The following LARP1B variants were observed in gnomAD, a reference collection of about 807,000 sequenced individuals.
LARP1B encodes La ribonucleoprotein 1B, also known as la-related protein 1B.
LARP1B carries 76 observed loss-of-function variants against 114.2 expected under a neutral mutation model. That is an observed-to-expected ratio of 0.67 (90% CI 0.55 to 0.81). LARP1B has a LOEUF of 0.81. Ranked by LOEUF, LARP1B falls within the 30% of genes least tolerant of loss-of-function variation. The pLI is 0.00. For synonymous variants in LARP1B, 345 were observed against 348.0 expected (o/e 0.99, Z 0.10); for missense variants, 1,014 against 1,075.8 (o/e 0.94, Z 0.80).
intron 15 of LARP1B, among the ~76,000 whole-genome samples, chr4:128,182,204 C>G (rs1047862445): frequency 6.7e-6 from 1 of 149,716 alleles, no homozygotes; most frequent in Non-Finnish European, 1.5e-5. Flanking sequence ...ACCGTAACCT[C>G]CCAGACTCAA....
In LARP1B at chr4:128,162,188, C is replaced by T; in HGVS notation, c.1525-6C>T. On this transcript the variant is annotated splice_region_variant and splice_polypyrimidine_tract_variant and intron_variant, in intron 11 of 19. Coordinates refer to ENST00000326639, the MANE Select transcript of LARP1B (RefSeq NM_018078.4). ...TTAGTAATTAGATTCCTCCATTCTA[C>T]TTCAGCAAGAAGTTGAGAACTTTAA... is the stretch of plus-strand genomic sequence containing the variant. The T allele has an allele frequency of 6.2e-7, 1 of 1,611,510 alleles. No homozygotes were observed. Among genetic ancestry groups the T allele is most frequent in the Non-Finnish European group, 8.5e-7 (1 of 1,178,468 alleles).
At chr4:128,164,581 A>G (rs1739894408) in intron 12 of LARP1B, among the ~76,000 whole-genome samples, 1 of 152,208 alleles carries the variant, frequency 6.6e-6, no homozygotes. Context: ...AATGGCCAAT[A>G]AATATGAAAA....
At chr4:128,123,087 A>AG (rs1388193839) in intron 11 of LARP1B, 1 of 985,340 alleles carries the variant, frequency 1.0e-6, no homozygotes. Context: ...GGCTGAGTAG[A>AG]GGGGACTGCC....
chr4:128,087,040 C>T (rs1773879345), intron 5 of LARP1B, among the ~76,000 whole-genome samples: 1 of 152,120 alleles, frequency 6.6e-6, no homozygotes, highest in African/African-American at 2.4e-5. Flanking sequence ...CTGCCTCAGC[C>T]TCCCGAGTAG....
intron 15 of LARP1B, among the ~76,000 whole-genome samples, chr4:128,189,831 C>G (rs1442470504): frequency 6.6e-6 from 1 of 152,188 alleles, no homozygotes; most frequent in African/African-American, 2.4e-5. Context: ...CACTTCAACT[C>G]CATCCTCCCA....
rs900971648 is a variant in LARP1B, at chr4:128,220,392, C to G, written n.886C>G. Reference sequence around the variant, plus strand: ...ATAGAGTAATACCTAATTATATCACCATGAGATGGCAAAACGGAATGTCAG... The same window carrying G: ...ATAGAGTAATACCTAATTATATCACGATGAGATGGCAAAACGGAATGTCAG... On this transcript the variant is annotated non_coding_transcript_exon_variant, in exon 7 of 8. Transcript: ENST00000503725. 6.3e-6 allele frequency: 6 copies of G among 955,896 alleles called. No homozygotes were observed. In the African/African-American group the frequency reaches 1.1e-4, roughly 17 times the overall value. The allele number at this position is 955,896 out of a possible 1,614,324, so 59.2% of individuals were successfully genotyped here.
rs1561307766 is a variant in LARP1B, at chr4:128,121,888, A to AG, written c.1225dup (p.Glu409GlyfsTer4). ...TATGTTCTTCAGAAGAACCAGAACA[A>AG]GAAGAACTTGATTTTTTGTTTGATG... is the stretch of plus-strand genomic sequence containing the variant. On this transcript the variant is annotated frameshift_variant, in exon 11 of 20. Coordinates refer to ENST00000326639, the MANE Select transcript of LARP1B (RefSeq NM_018078.4). LOFTEE classifies it high-confidence loss of function. The AG allele has an allele frequency of 1.2e-6, 2 of 1,612,406 alleles. No individual in the cohort carries two copies. The highest frequency in any genetic ancestry group is 1.7e-6 in the Non-Finnish European group (2 of 1,179,558).
chr4:128,179,744 CTT>C (rs1747696244), intron 15 of LARP1B, among the ~76,000 whole-genome samples: 1 of 151,928 alleles, frequency 6.6e-6, no homozygotes, highest in Admixed American at 6.6e-5. Flanking sequence ...AATGTGAACT[CTT>C]AGATTTATAA....
chr4:128,132,307 C>T (rs111296005), intron 11 of LARP1B, among the ~76,000 whole-genome samples: 4,462 of 152,094 alleles, frequency 0.029, 226 homozygotes, highest in African/African-American at 0.1. Context: ...TGCAGTGGCG[C>T]GATCTTGGCT....
chr4:128,091,260 G>A lies in LARP1B; in HGVS notation c.503-87G>A, dbSNP rs547221493. ...TCTGATAATAGATGGTTTTATGTTT[G>A]TTAACCTTTGAAGTTCTTCACTTTA... is the stretch of plus-strand genomic sequence containing the variant. On this transcript the variant is annotated intron_variant, in intron 6 of 19. Transcript: ENST00000326639. The A allele has an allele frequency of 6.6e-6, 10 of 1,509,456 alleles. No individual in the cohort carries two copies. In the Admixed American group the frequency reaches 1.4e-4, roughly 21 times the overall value. 93.5% of individuals were successfully genotyped at this position (1,509,456 alleles called of 1,614,324 possible).
intron 8 of LARP1B, among the ~76,000 whole-genome samples, chr4:128,106,933 A>T (rs1453884057): frequency 1.3e-5 from 2 of 152,198 alleles, no homozygotes; most frequent in Non-Finnish European, 2.9e-5. Flanking sequence ...TCTGAAGTTA[A>T]ATAAGTGGGA....
chr4:128,119,990 A>G (rs1787343861), intron 10 of LARP1B, among the ~76,000 whole-genome samples: 1 of 152,228 alleles, frequency 6.6e-6, no homozygotes, highest in African/African-American at 2.4e-5. Context: ...ATGTACCTGC[A>G]AATGTGAAAA....
At chr4:128,194,757 C>T (rs1753535271) in intron 15 of LARP1B, among the ~76,000 whole-genome samples, 1 of 142,118 alleles carries the variant, frequency 7.0e-6, no homozygotes, top group Admixed American at 7.1e-5. Context: ...ATCCCAACTA[C>T]TTAGGAGGCT....
chr4:128,178,628 G>C lies in LARP1B; in HGVS notation c.1882G>C (p.Ala628Pro), dbSNP rs377064385. 1 of 1,613,154 alleles carries C rather than the reference G, an allele frequency of 6.2e-7. No individual in the cohort carries two copies. Among genetic ancestry groups the C allele is most frequent in the South Asian group, 1.1e-5 (1 of 91,046 alleles). The change falls in exon 14 of 20, where the codon GCC (alanine) becomes CCC (proline). Residue 628 changes from alanine to proline, a missense_variant. Coordinates refer to ENST00000326639, the MANE Select transcript of LARP1B (RefSeq NM_018078.4). Reference protein sequence around the residue: ...RFYPVVKEPKAIDVKSPRKRK... With the variant: ...RFYPVVKEPKPIDVKSPRKRK... ...TTATCCTGTTGTTAAAGAACCAAAA[G>C]CCATTGATGTAAAGGTATACAAAAC...
intron 7 of LARP1B, chr4:128,093,092 C>G: frequency 2.1e-6 from 2 of 962,030 alleles, no homozygotes; most frequent in African/African-American, 1.8e-5. Flanking sequence ...ATTGGTCATG[C>G]CTCTTTTTTT....
At chr4:128,155,746 G>A (rs552273048) in intron 11 of LARP1B, 2 of 1,608,064 alleles carry the variant, frequency 1.2e-6, no homozygotes, top group South Asian at 2.2e-5. Context: ...GCTGGCTGCG[G>A]CCAAGTGTAG....
At chr4:128,098,671 TA>T in intron 8 of LARP1B, among the ~76,000 whole-genome samples, 1 of 142,242 alleles carries the variant, frequency 7.0e-6, no homozygotes, top group Non-Finnish European at 1.5e-5. Context: ...ACCTGGGTGA[TA>T]GAGTACAACG....
chr4:128,196,060 T>C (rs1367973320), intron 15 of LARP1B, among the ~76,000 whole-genome samples: 1 of 151,632 alleles, frequency 6.6e-6, no homozygotes, highest in Non-Finnish European at 1.5e-5. Context: ...GAGACCAGCT[T>C]GCCAATATGG....
intron 15 of LARP1B, among the ~76,000 whole-genome samples, chr4:128,190,781 A>C (rs1260245940): frequency 1.3e-5 from 2 of 152,220 alleles, no homozygotes; most frequent in African/African-American, 4.8e-5. Flanking sequence ...TATTATTTAT[A>C]GCAGAGTGAA....
Sources: allele counts gnomAD v4.1 joint callset (sites outside exome capture counted in the v4.1 genomes callset), GRCh38; gene constraint gnomAD v4.1.1; transcripts MANE v1.5; gene names NCBI Gene and HGNC (gene_info 2026-07-23, HGNC 2026-07-21).